The following MAK variants were observed in gnomAD, a reference collection of about 807,000 sequenced individuals.
MAK encodes the protein male germ cell associated kinase, also known as serine/threonine-protein kinase MAK.
Under a neutral mutation model 82.6 loss-of-function variants are expected in MAK, and 65 were observed. The ratio of observed to expected loss-of-function variants is 0.79; its 90% CI spans 0.64 to 0.97. The LOEUF (loss-of-function observed/expected upper bound fraction) is 0.97, where lower values mean the gene tolerates loss of function less well. Ranked by LOEUF, MAK falls within the 50% of genes least tolerant of loss-of-function variation. The pLI, the probability that MAK is intolerant of heterozygous loss-of-function variation, is 0.00. For missense variants in MAK, 703 were observed against 780.2 expected (o/e 0.90, Z 1.18); for synonymous variants, 250 against 274.2 (o/e 0.91, Z 0.87).
chr6:10,788,238 T>A (rs1213565545), intron 10 of MAK, among the ~76,000 whole-genome samples: 4 of 152,010 alleles, frequency 2.6e-5, no homozygotes, highest in Non-Finnish European at 5.9e-5. Flanking sequence ...GCAACCCACC[T>A]ACCTCGGCCT....
At chr6:10,778,832 A>G (rs867133751) in intron 11 of MAK, among the ~76,000 whole-genome samples, 1 of 152,150 alleles carries the variant, frequency 6.6e-6, no homozygotes, top group East Asian at 1.9e-4. Context: ...GATCAGTTTC[A>G]TAAGTGCTAT....
chr6:10,832,560 C>T (rs1265489867), intron 1 of MAK, among the ~76,000 whole-genome samples: 1 of 152,216 alleles, frequency 6.6e-6, no homozygotes, highest in Non-Finnish European at 1.5e-5. Flanking sequence ...AAGACTATGA[C>T]TCACTGAAGG....
intron 14 of MAK, among the ~76,000 whole-genome samples, chr6:10,765,446 T>A (rs1230643650): frequency 7.5e-4 from 6 of 7,964 alleles, no homozygotes; most frequent in African/African-American, 2.0e-3. Context: ...GAAGATTTTT[T>A]TTTTTTTTTT....
At chr6:10,786,127 C>T (rs1774513071) in intron 10 of MAK, among the ~76,000 whole-genome samples, 2 of 152,048 alleles carry the variant, frequency 1.3e-5, no homozygotes, top group African/African-American at 4.8e-5. Flanking sequence ...CACCTGTAAT[C>T]CCAGCTACTT....
intron 5 of MAK, among the ~76,000 whole-genome samples, chr6:10,810,501 G>A (rs1223409641): frequency 4.0e-5 from 6 of 151,750 alleles, no homozygotes; most frequent in South Asian, 2.1e-4. Flanking sequence ...CACCACACTC[G>A]GCTAATTGTT....
At chr6:10,808,182 A>G (rs757325342) in intron 6 of MAK, among the ~76,000 whole-genome samples, 1 of 152,202 alleles carries the variant, frequency 6.6e-6, no homozygotes, top group Non-Finnish European at 1.5e-5. Flanking sequence ...TTCATGGCAC[A>G]GATTAGTTTT....
At chr6:10,824,914 A>C (rs542762465) in intron 2 of MAK, among the ~76,000 whole-genome samples, 22 of 152,302 alleles carry the variant, frequency 1.4e-4, no homozygotes, top group Non-Finnish European at 2.6e-4. Flanking sequence ...TATTGTTGAA[A>C]TATCACAAGG....
At chr6:10,826,492 A>C (rs1440775917) in intron 2 of MAK, 1 of 152,142 alleles carries the variant, frequency 6.6e-6, no homozygotes, top group Admixed American at 6.6e-5. Context: ...GTGCTAAATG[A>C]ATTTTTCAAT....
rs116437242 is a variant in MAK, at chr6:10,806,100, C to T, written c.492-2209G>A. On this transcript the variant is annotated intron_variant, in intron 6 of 14. Transcript: ENST00000354489. ...GTTCCTGAGAGAGTGGGTTGCTCCA[C>T]GGCAAGCTTCCTCCTCTTGTTTGTT... Among the ~76,000 whole-genome samples the T allele has an allele frequency of 5.6e-3, 858 of 152,040 alleles. 11 individuals carry two copies. Among genetic ancestry groups the T allele is most frequent in the African/African-American group, 0.02 (814 of 41,470 alleles).
In MAK at chr6:10,764,218, A is replaced by G. The variant is rs1000278451; in HGVS notation, c.*234T>C. The G allele has an allele frequency of 3.3e-5, 17 of 517,096 alleles. No individual in the cohort carries two copies. The highest frequency in any genetic ancestry group is 3.3e-4 in the African/African-American group (17 of 52,156). 32.0% of individuals were successfully genotyped at this position (517,096 alleles called of 1,614,324 possible). On this transcript the variant is annotated 3_prime_UTR_variant, in exon 15 of 15. Coordinates refer to ENST00000354489, the MANE Select transcript of MAK (RefSeq NM_001242957.3). ...TACTTCATACTTTGGCAAATAGTTT[A>G]TTCAATACTTTGTAACATCCTACCC...
At chr6:10,764,683 C>T in intron 14 of MAK, 77 bp from the exon 15 acceptor site, 2 of 1,297,090 alleles carry the variant, frequency 1.5e-6, no homozygotes, top group South Asian at 2.4e-5. Flanking sequence ...TTCATCCTCT[C>T]ATTTGATGGG....
At chr6:10,834,707 AAGGGAAAGAGTG>A (rs1779040762) in intron 1 of MAK, among the ~76,000 whole-genome samples, 1 of 152,214 alleles carries the variant, frequency 6.6e-6, no homozygotes, top group Admixed American at 6.5e-5. Context: ...AGAAACAGTG[AAGGGAAAGAGTG>A]AGACCTTAGA....
Position 10,830,641 on chromosome 6 carries a change from C to A in MAK, c.8G>T (p.Arg3Leu). The A allele has an allele frequency of 6.2e-7, 1 of 1,613,188 alleles. No individual in the cohort carries two copies. The highest frequency in any genetic ancestry group is 1.1e-5 in the South Asian group (1 of 91,062). MN[R>L]YTTMRQLGDG... ...CCCCAACTGTCTCATGGTTGTGTAT[C>A]GGTTCATCTTGGAAAAATAATGCAG... is the stretch of plus-strand genomic sequence containing the variant. The change falls in exon 2 of 15, where the codon CGA (arginine) becomes CTA (leucine). Residue 3 changes from arginine to leucine, a missense_variant. Physicochemically the swap from Arg to Leu is moderately radical, Grantham distance 102. Transcript: ENST00000354489.
At chr6:10,837,630 T>C (rs1470479606) in intron 1 of MAK, among the ~76,000 whole-genome samples, 5 of 152,252 alleles carry the variant, frequency 3.3e-5, no homozygotes, top group Non-Finnish European at 7.3e-5. Flanking sequence ...AGAATTCCGT[T>C]ATCATTAGAA....
chr6:10,791,971 G>A, intron 9 of MAK, 124 bp from the exon 10 acceptor site: 2 of 974,678 alleles, frequency 2.1e-6, no homozygotes, highest in South Asian at 1.3e-5. Flanking sequence ...ACATGTAAGG[G>A]CATAACATAT....
intron 1 of MAK, among the ~76,000 whole-genome samples, chr6:10,834,949 A>G (rs1164361395): frequency 1.3e-5 from 2 of 152,202 alleles, no homozygotes; most frequent in Non-Finnish European, 2.9e-5. Context: ...AGGGTGCTGT[A>G]AACCGTGGCC....
At chr6:10,808,570 T>C (rs933453661) in intron 6 of MAK, among the ~76,000 whole-genome samples, 1 of 152,202 alleles carries the variant, frequency 6.6e-6, no homozygotes, top group Admixed American at 6.5e-5. Flanking sequence ...TGGCACATAG[T>C]AGGTGTTCAA....
chr6:10,831,736 A>T (rs1369833518), intron 1 of MAK, among the ~76,000 whole-genome samples: 2 of 152,170 alleles, frequency 1.3e-5, no homozygotes, highest in East Asian at 3.9e-4. Context: ...ACAGAGTAAG[A>T]CTCTGTCTCT....
At chr6:10,815,912 G>GTGTATGTATATATATATA (rs1554184483) in intron 4 of MAK, among the ~76,000 whole-genome samples, 2 of 108,316 alleles carry the variant, frequency 1.8e-5, no homozygotes, top group African/African-American at 9.2e-5. Flanking sequence ...GCTTTATACA[G>GTGTATGTATATATATATA]TATATATATA....
Sources: gnomAD v4.1 joint callset for allele counts (sites outside exome capture counted in the v4.1 genomes callset) on GRCh38, gnomAD v4.1.1 for gene constraint, MANE v1.5 for transcripts, NCBI Gene and HGNC (gene_info 2026-07-23, HGNC 2026-07-21) for gene names.